The following NCR1 variants were observed in gnomAD, a reference collection of about 807,000 sequenced individuals.
NCR1 encodes natural cytotoxicity triggering receptor 1.
NCR1 carries 30 observed loss-of-function variants against 32.5 expected under a neutral mutation model. That is an observed-to-expected ratio of 0.92 (90% CI 0.69 to 1.25). The LOEUF is 1.25. Ranked by LOEUF, NCR1 falls within the 50% of genes most tolerant of loss-of-function variation. The pLI is 0.00. For missense variants in NCR1, 369 were observed against 380.7 expected (o/e 0.97, Z 0.26); for synonymous variants, 169 against 143.4 (o/e 1.18, Z -1.28).
At chr19:54,929,532 T>C in the NCR1 span, among the ~76,000 whole-genome samples, 1 of 152,142 alleles carries the variant, frequency 6.6e-6, no homozygotes, top group African/African-American at 2.4e-5. Flanking sequence ...AGAGAAGTGA[T>C]GAAGAGCTCG....
chr19:54,900,496 G>A, the NCR1 span, among the ~76,000 whole-genome samples: 13,562 of 151,970 alleles, frequency 0.089, 675 homozygotes, highest in Middle Eastern at 0.13. Context: ...CATTTCTTTC[G>A]TGGTGGAATG....
At chr19:54,910,271 A>G (rs781309659) in intron 5 of NCR1, among the ~76,000 whole-genome samples, 3 of 152,228 alleles carry the variant, frequency 2.0e-5, no homozygotes, top group Non-Finnish European at 2.9e-5. Flanking sequence ...CCCTGTCTCT[A>G]CTAAAAATAC....
At chr19:54,916,089 C>T (rs1251245872), downstream of NCR1, 1 of 151,462 alleles carries the variant, frequency 6.6e-6, no homozygotes, top group Non-Finnish European at 1.5e-5. Context: ...CGCCTGCTCT[C>T]CCCTCTCCAA....
downstream of NCR1, chr19:54,915,829 G>T (rs111989782): frequency 7.4e-6 from 1 of 134,808 alleles, no homozygotes; most frequent in African/African-American, 2.9e-5. Context: ...GCGACAGAGC[G>T]AGACTCCATC....
downstream of NCR1, among the ~76,000 whole-genome samples, chr19:54,920,054 T>C (rs1364647383): frequency 6.6e-6 from 1 of 152,248 alleles, no homozygotes; most frequent in East Asian, 1.9e-4. Flanking sequence ...TATATAATCA[T>C]ATCTAAGATC....
At chr19:54,919,714 A>ACCACC (rs2068206604), downstream of NCR1, among the ~76,000 whole-genome samples, 4 of 100,016 alleles carry the variant, frequency 4.0e-5, no homozygotes, top group African/African-American at 1.5e-4. Flanking sequence ...GGAAAGGGAG[A>ACCACC]CCCCCCCCCC....
the NCR1 span, among the ~76,000 whole-genome samples, chr19:54,932,135 T>C: frequency 2.6e-5 from 4 of 152,062 alleles, no homozygotes; most frequent in South Asian, 4.1e-4. Context: ...TGTTTAACAA[T>C]AGTTATTCTA....
chr19:54,919,863 G>C (rs1420820395), downstream of NCR1, among the ~76,000 whole-genome samples: 1 of 152,150 alleles, frequency 6.6e-6, no homozygotes, highest in Non-Finnish European at 1.5e-5. Flanking sequence ...GAGCCCTCTG[G>C]TGGCCCTGTC....
the NCR1 span, among the ~76,000 whole-genome samples, chr19:54,926,205 G>GTGTGTGTGT: frequency 7.0e-6 from 1 of 143,642 alleles, no homozygotes; most frequent in Non-Finnish European, 1.5e-5. Context: ...AATGATTAGG[G>GTGTGTGTGT]GTGTGTGTGT....
downstream of NCR1, among the ~76,000 whole-genome samples, chr19:54,919,393 G>GTCCAC (rs2068197581): frequency 6.6e-6 from 1 of 152,378 alleles, no homozygotes; most frequent in South Asian, 2.1e-4. Flanking sequence ...TGGGTCACGT[G>GTCCAC]TCCACTGGAC....
At chr19:54,923,656 G>A in the NCR1 span, 2 of 1,457,606 alleles carry the variant, frequency 1.4e-6, no homozygotes, top group African/African-American at 1.4e-5. Flanking sequence ...GTGTTAACAT[G>A]TGACCCTCTG....
At chr19:54,930,708 G>T in the NCR1 span, 3 of 1,558,768 alleles carry the variant, frequency 1.9e-6, no homozygotes, top group Non-Finnish European at 2.7e-6. Context: ...TATCCCTCTG[G>T]CTAACGCCCT....
upstream of NCR1, among the ~76,000 whole-genome samples, chr19:54,904,333 C>T (rs925658539): frequency 5.3e-5 from 8 of 151,628 alleles, no homozygotes; most frequent in Non-Finnish European, 7.4e-5. Context: ...GAGAAGCCAA[C>T]GTCAAAACCC....
upstream of NCR1, chr19:54,906,099 T>G (rs2067590656): frequency 6.5e-7 from 1 of 1,538,836 alleles, no homozygotes; most frequent in Non-Finnish European, 9.0e-7. Context: ...TGGGCGCTGG[T>G]GCTCACCCAC....
the NCR1 span, among the ~76,000 whole-genome samples, chr19:54,928,138 T>G: frequency 6.6e-6 from 1 of 152,132 alleles, no homozygotes; most frequent in Non-Finnish European, 1.5e-5. Context: ...AAGAATCGCT[T>G]CAGCCTGGGA....
In NCR1 at chr19:54,910,064, T is replaced by A. The variant is rs2067888183; in HGVS notation, c.681T>A (p.Pro227=). 6.2e-7 allele frequency: 1 copy of A among 1,613,536 alleles called. No homozygotes were observed. The highest frequency in any genetic ancestry group is 1.3e-5 in the African/African-American group (1 of 74,848). ...TTGCACCTGAAGACCCCACCTTTCC[T>A]GGTGAGTAACTGGTCCTTCTAAGCT... ...TSLAPEDPTF[P]ADTWGTYLLT... The change falls in exon 5 of 7, where the codon CCT becomes CCA. Residue 227 remains proline (P), a splice_region_variant and synonymous_variant. Transcript: ENST00000291890.
the NCR1 span, chr19:54,936,464 T>C: frequency 8.4e-6 from 13 of 1,554,166 alleles, no homozygotes; most frequent in Non-Finnish European, 1.2e-5. Flanking sequence ...CCACTTGGAG[T>C]GATTAATACT....
chr19:54,916,690 A>C, downstream of NCR1, among the ~76,000 whole-genome samples: 1 of 138,624 alleles, frequency 7.2e-6, no homozygotes, highest in Non-Finnish European at 1.5e-5. Context: ...CTTCTAGGAG[A>C]TCAACTGTTC....
At chr19:54,937,196 G>C in the NCR1 span, among the ~76,000 whole-genome samples, 39 of 147,404 alleles carry the variant, frequency 2.6e-4, no homozygotes, top group South Asian at 8.1e-3. Flanking sequence ...CCAGCCTGGG[G>C]AACATAGCGA....
Sources: allele counts gnomAD v4.1 joint callset (sites outside exome capture counted in the v4.1 genomes callset), GRCh38; gene constraint gnomAD v4.1.1; transcripts MANE v1.5; gene names NCBI Gene and HGNC (gene_info 2026-07-23, HGNC 2026-07-21).